KIF23: variants seen among roughly 807,000 people sequenced by gnomAD.
KIF23 encodes the protein kinesin family member 23, also known as kinesin-like protein KIF23.
In KIF23, 30 loss-of-function variants were observed where a neutral mutation model predicts 137.5. That is an observed-to-expected ratio of 0.22 (90% confidence interval 0.16 to 0.30). KIF23 has a LOEUF of 0.30. KIF23 is among the 10% of genes least tolerant of loss of function. KIF23 has a pLI of 1.00. For synonymous variants in KIF23, 367 were observed against 391.1 expected, an observed-to-expected ratio of 0.94 and a Z score of 0.73; for missense variants, 920 against 1,194.3, an observed-to-expected ratio of 0.77 and a Z score of 3.38.
chr15:69,414,359 G>C lies in KIF23; in HGVS notation c.-107G>C. On this transcript the variant is annotated 5_prime_UTR_variant, in exon 1 of 24. Coordinates refer to ENST00000679126, the MANE Select transcript of KIF23 (RefSeq NM_001367805.3). Reference sequence around the variant, plus strand: ...GTCGCCGCCGGCTTCGCAGAGCACCGCGCCTTAGCCGCGAAGTTCTAGTTC... The same window carrying C: ...GTCGCCGCCGGCTTCGCAGAGCACCCCGCCTTAGCCGCGAAGTTCTAGTTC... 6.7e-7 allele frequency: 1 copy of C among 1,486,180 alleles called. No individual in the cohort carries two copies. The highest frequency in any genetic ancestry group is 9.1e-7 in the Non-Finnish European group (1 of 1,098,392). The allele number at this position is 1,486,180 out of a possible 1,614,324, so 92.1% of individuals were successfully genotyped here.
Position 69,414,392 on chromosome 15 carries a change from C to T in KIF23, c.-74C>T, listed in dbSNP as rs376410576. 6 of 1,545,626 alleles carry T rather than the reference C, an allele frequency of 3.9e-6. No individual in the cohort carries two copies. The highest frequency in any genetic ancestry group is 1.7e-4 in the Middle Eastern group (1 of 5,960). ...GCCGCGAAGTTCTAGTTCTTGCTGCCGGTCCTAACGTCCCGCAGTCTTCGC... is the reference window on the plus strand; with the variant it reads ...GCCGCGAAGTTCTAGTTCTTGCTGCTGGTCCTAACGTCCCGCAGTCTTCGC... On this transcript the variant is annotated 5_prime_UTR_variant, in exon 1 of 24. Transcript: ENST00000679126.
intron 11 of KIF23, 135 bp from the exon 12 acceptor site, chr15:69,435,348 T>C (rs2057451779): frequency 3.0e-6 from 2 of 670,778 alleles, no homozygotes; most frequent in Non-Finnish European, 5.0e-6. Context: ...GCTCTTTATA[T>C]TGAGCCACAA....
intron 11 of KIF23, among the ~76,000 whole-genome samples, chr15:69,433,891 A>G (rs2057412061): frequency 6.6e-6 from 1 of 152,214 alleles, no homozygotes; most frequent in South Asian, 2.1e-4. Context: ...TCACTTATTA[A>G]GTAAAAATTT....
chr15:69,447,536 T>C (rs1268905162), intron 23 of KIF23, among the ~76,000 whole-genome samples: 1 of 152,212 alleles, frequency 6.6e-6, no homozygotes, highest in African/African-American at 2.4e-5. Flanking sequence ...AAATGTTATA[T>C]GTATATAACA....
At chr15:69,427,347 C>CT (rs748486386) in intron 10 of KIF23, 4 of 454,432 alleles carry the variant, frequency 8.8e-6, no homozygotes, top group Non-Finnish European at 1.8e-5. Context: ...GACATTAAAA[C>CT]TTTTTTTTCC....
chr15:69,442,643 A>C (rs931109079), intron 19 of KIF23, among the ~76,000 whole-genome samples: 1 of 152,240 alleles, frequency 6.6e-6, no homozygotes, highest in African/African-American at 2.4e-5. Flanking sequence ...TAGACAGCAA[A>C]TTAGGTAAAT....
At position 69,440,397 on chromosome 15, in the gene KIF23, C is replaced by T. The variant is rs937724; in HGVS notation, c.2019C>T (p.Thr673=). 0.94 allele frequency: 1,509,829 copies of T among 1,613,626 alleles called. 714,034 individuals are homozygous for T. Among genetic ancestry groups the T allele is most frequent in the Non-Finnish European group, 0.97 (1,148,216 of 1,179,966 alleles). ...EKLKQLKAIV[T]EPKTEKPERP... is the part of the protein sequence containing the mutation. ...TGAAACAACTGAAGGCTATTGTTAC[C>T]GAACCTAAAACTGAGAAGCCAGAGA... The change falls in exon 18 of 24, where the codon ACC becomes ACT. Residue 673 remains threonine, a synonymous_variant. Transcript: ENST00000679126.
intron 13 of KIF23, 90 bp downstream of exon 13, chr15:69,435,861 A>T (rs1449602308): frequency 6.8e-7 from 1 of 1,480,584 alleles, no homozygotes; most frequent in Non-Finnish European, 9.2e-7. Context: ...TGAATATTTT[A>T]AAAATGGATA....
Position 69,436,280 on chromosome 15 carries a change from T to A in KIF23, c.1438+19T>A, listed in dbSNP as rs779961610. 12 of 1,606,442 alleles carry A rather than the reference T, an allele frequency of 7.5e-6. No individual in the cohort carries two copies. Among genetic ancestry groups the A allele is most frequent in the Middle Eastern group, 3.3e-4 (2 of 6,026 alleles). On this transcript the variant is annotated intron_variant, in intron 14 of 23. Transcript: ENST00000679126. Reference sequence around the variant, plus strand: ...GGAAATGGTATGATTTGGTGTTGTATCATTTGTCCACTCATTGGTCTGTCT... The same window carrying A: ...GGAAATGGTATGATTTGGTGTTGTAACATTTGTCCACTCATTGGTCTGTCT...
At chr15:69,420,125 G>A (rs548043510) in intron 3 of KIF23, among the ~76,000 whole-genome samples, 6 of 152,144 alleles carry the variant, frequency 3.9e-5, no homozygotes, top group Admixed American at 1.3e-4. Context: ...ATTACCCAGC[G>A]TGGAGGCATG....
intron 1 of KIF23, among the ~76,000 whole-genome samples, 179 bp from the exon 2 acceptor site, chr15:69,415,815 A>G (rs1374941883): frequency 6.6e-6 from 1 of 152,208 alleles, no homozygotes; most frequent in Non-Finnish European, 1.5e-5. Context: ...CTTTTGGATT[A>G]CGCATGCCAC....
chr15:69,422,370 G>A lies in KIF23; in HGVS notation c.498G>A (p.Glu166=), dbSNP rs1199026094. Residue 166 remains glutamate (E), a synonymous_variant, in exon 6 of 24, where the codon GAG becomes GAA. Coordinates refer to ENST00000679126, the MANE Select transcript of KIF23 (RefSeq NM_001367805.3). ...NDRNSMDIQC[E]VDALLERQKR... ...GGAATAGTATGGATATACAGTGTGA[G>A]GTTGATGCCTTATTAGAACGTCAGA... is the stretch of plus-strand genomic sequence containing the variant. The A allele has an allele frequency of 3.7e-6, 6 of 1,611,404 alleles. No individual in the cohort carries two copies. The highest frequency in any genetic ancestry group is 3.3e-5 in the Admixed American group (2 of 59,982).
chr15:69,448,257 C>T lies in KIF23; in HGVS notation c.*450C>T, dbSNP rs1485230972. 6.5e-6 allele frequency: 1 copy of T among 152,728 alleles called. No individual in the cohort carries two copies. Among genetic ancestry groups the T allele is most frequent in the Non-Finnish European group, 1.5e-5 (1 of 68,164 alleles). 9.5% of individuals were successfully genotyped at this position (152,728 alleles called of 1,614,324 possible). A position where few individuals can be genotyped will look rare whatever the true frequency, so the allele number is the denominator to read the frequency against. ...AACAAATGCTGCTATTTATTAGCTG[C>T]AAGAATGCACTTTAGAACTATTTGA... On this transcript the variant is annotated 3_prime_UTR_variant, in exon 24 of 24. Coordinates refer to ENST00000679126, the MANE Select transcript of KIF23 (RefSeq NM_001367805.3).
chr15:69,421,068 T>G (rs2057040279), intron 3 of KIF23, among the ~76,000 whole-genome samples: 1 of 152,198 alleles, frequency 6.6e-6, no homozygotes, highest in Non-Finnish European at 1.5e-5. Flanking sequence ...AAATCAGCCT[T>G]AGATTAGAAG....
intron 11 of KIF23, among the ~76,000 whole-genome samples, chr15:69,432,799 G>A (rs2057387050): frequency 6.6e-6 from 1 of 152,172 alleles, no homozygotes; most frequent in Non-Finnish European, 1.5e-5. Flanking sequence ...AATAAATGCA[G>A]TGTAATGATG....
At chr15:69,424,236 A>G (rs2057132307) in intron 7 of KIF23, among the ~76,000 whole-genome samples, 1 of 152,216 alleles carries the variant, frequency 6.6e-6, no homozygotes, top group Non-Finnish European at 1.5e-5. Context: ...ACATTTTGAT[A>G]CAGTTATCTT....
chr15:69,417,558 C>T (rs2056949980), intron 3 of KIF23, 47 bp downstream of exon 3: 1 of 1,573,196 alleles, frequency 6.4e-7, no homozygotes, highest in Non-Finnish European at 8.6e-7. Context: ...ATGTTGTTTC[C>T]TGAATGACTT....
intron 3 of KIF23, among the ~76,000 whole-genome samples, chr15:69,418,629 A>G (rs1428642082): frequency 6.6e-6 from 1 of 152,146 alleles, no homozygotes; most frequent in Non-Finnish European, 1.5e-5. Context: ...CCACCACCCT[A>G]GTCTGAGCCC....
At chr15:69,447,762 C>T (rs142919044) in intron 23 of KIF23, 30 bp from the exon 24 acceptor site, 2 of 1,595,296 alleles carry the variant, frequency 1.3e-6, no homozygotes, top group Non-Finnish European at 1.7e-6. Context: ...TTGCAAAGTT[C>T]AACTCTAAGT....
Sources: allele counts gnomAD v4.1 joint callset (sites outside exome capture counted in the v4.1 genomes callset), GRCh38; gene constraint gnomAD v4.1.1; transcripts MANE v1.5; gene names NCBI Gene and HGNC (gene_info 2026-07-23, HGNC 2026-07-21).